Variants in ACOXL observed in about 807,000 individuals in gnomAD.
The protein encoded by ACOXL is acyl-CoA oxidase like.
ACOXL carries 70 observed loss-of-function variants against 71.9 expected under a neutral mutation model. The ratio of observed to expected loss-of-function variants is 0.97; its 90% CI spans 0.80 to 1.19. The LOEUF is 1.19. ACOXL is among the 50% of genes most tolerant of loss of function. The pLI is 0.00. For missense variants in ACOXL, 703 were observed against 736.3 expected (o/e 0.95, Z 0.52); for synonymous variants, 253 against 281.6 (o/e 0.90, Z 1.02).
At chr2:110,968,093 G>T in intron 12 of ACOXL, 1 of 1,317,086 alleles carries the variant, frequency 7.6e-7, no homozygotes, top group South Asian at 1.2e-5. Flanking sequence ...CCAAAATATG[G>T]TGTGAAGGTT....
intron 13 of ACOXL, among the ~76,000 whole-genome samples, chr2:110,988,066 G>A (rs2149555041): frequency 6.6e-6 from 1 of 152,258 alleles, no homozygotes; most frequent in Non-Finnish European, 1.5e-5. Context: ...ATGGAGCAGT[G>A]GCTACCTTCC....
chr2:110,915,533 C>T (rs546632767), intron 11 of ACOXL, among the ~76,000 whole-genome samples: 5 of 150,638 alleles, frequency 3.3e-5, no homozygotes, highest in African/African-American at 1.2e-4. Context: ...AAGCAATTCT[C>T]CTGCTTCAGC....
intron 16 of ACOXL, 64 bp from the exon 17 acceptor site, chr2:111,092,801 T>C (rs1319882477): frequency 4.4e-6 from 5 of 1,144,278 alleles, no homozygotes; most frequent in Non-Finnish European, 6.5e-6. Context: ...TTCGCCTCCT[T>C]AGATTTTGTG....
At chr2:110,745,957 C>A (rs942419746) in intron 1 of ACOXL, among the ~76,000 whole-genome samples, 1 of 152,166 alleles carries the variant, frequency 6.6e-6, no homozygotes, top group Non-Finnish European at 1.5e-5. Context: ...CCTGTCACCT[C>A]CTGTTAGTGT....
chr2:111,079,389 A>G (rs1485578619), intron 16 of ACOXL, among the ~76,000 whole-genome samples: 2 of 152,150 alleles, frequency 1.3e-5, no homozygotes, highest in African/African-American at 4.8e-5. Flanking sequence ...AGTCTTTTGT[A>G]TGCTAATTAG....
At chr2:110,808,966 T>C (rs1022271314) in intron 9 of ACOXL, among the ~76,000 whole-genome samples, 17 of 151,906 alleles carry the variant, frequency 1.1e-4, no homozygotes, top group African/African-American at 3.4e-4. Context: ...AAACAGCAAA[T>C]AGGAGTGGAA....
At chr2:111,040,163 C>A (rs1574569043) in intron 15 of ACOXL, among the ~76,000 whole-genome samples, 1 of 152,328 alleles carries the variant, frequency 6.6e-6, no homozygotes, top group East Asian at 1.9e-4. Context: ...CTGCTCAGGA[C>A]CTGTGGCAGC....
Position 111,001,608 on chromosome 2 carries a change from A to AT in ACOXL, c.1281+5606dup, listed in dbSNP as rs1336312553. ...ATGTCAGAATTTATATGGACCACTGATTCCTGCATTATTCCCATTTTCCTC... is the reference window on the plus strand; with the variant it reads ...ATGTCAGAATTTATATGGACCACTGATTTCCTGCATTATTCCCATTTTCCTC... On this transcript the variant is annotated intron_variant, in intron 14 of 17. Coordinates refer to ENST00000439055, the MANE Select transcript of ACOXL (RefSeq NM_001142807.4). 3.3e-5 allele frequency among the ~76,000 whole-genome samples: 5 copies of AT among 152,320 alleles called. No homozygotes were observed. The East Asian group carries it at 9.6e-4, about 29-fold the overall frequency.
At chr2:111,052,519 G>A (rs1227701575) in intron 16 of ACOXL, among the ~76,000 whole-genome samples, 1 of 152,144 alleles carries the variant, frequency 6.6e-6, no homozygotes, top group African/African-American at 2.4e-5. Flanking sequence ...CTGCAGACCC[G>A]AGAAGGGGGC....
intron 12 of ACOXL, among the ~76,000 whole-genome samples, chr2:110,955,436 C>G (rs1009855865): frequency 1.3e-5 from 2 of 149,350 alleles, no homozygotes; most frequent in African/African-American, 4.9e-5. Context: ...CTCCCTCTCT[C>G]TCTCTCTCTC....
chr2:110,873,727 G>A (rs1356310171), intron 10 of ACOXL, among the ~76,000 whole-genome samples: 2 of 152,178 alleles, frequency 1.3e-5, no homozygotes, highest in Non-Finnish European at 2.9e-5. Flanking sequence ...GGCCCCCGTT[G>A]GGAGGGGCCA....
At position 110,735,286 on chromosome 2, in the gene ACOXL, A is replaced by G. The variant is rs149570661; in HGVS notation, c.-23+2512A>G. 1.1e-4 allele frequency among the ~76,000 whole-genome samples: 17 copies of G among 152,354 alleles called. No individual in the cohort carries two copies. In the East Asian group the frequency reaches 3.1e-3, roughly 28 times the overall value. ...CTCCTAATGTAAAATGTTATAGAAC[A>G]TTAGGAGATGAGAAATAAAACTTCC... On this transcript the variant is annotated intron_variant, in intron 1 of 17. Coordinates refer to ENST00000439055, the MANE Select transcript of ACOXL (RefSeq NM_001142807.4).
At chr2:110,806,568 C>T (rs1176406006) in intron 9 of ACOXL, among the ~76,000 whole-genome samples, 1 of 151,946 alleles carries the variant, frequency 6.6e-6, no homozygotes, top group African/African-American at 2.4e-5. Context: ...AATAGAAAAG[C>T]CAGACGAGCC....
chr2:110,941,063 A>G (rs2060850381), intron 12 of ACOXL, among the ~76,000 whole-genome samples: 1 of 152,244 alleles, frequency 6.6e-6, no homozygotes, highest in Admixed American at 6.5e-5. Flanking sequence ...TGTCCACAAT[A>G]TGATCGTTAA....
At chr2:110,995,835 A>T in intron 13 of ACOXL, 58 bp from the exon 14 acceptor site, 1 of 1,371,638 alleles carries the variant, frequency 7.3e-7, no homozygotes, top group Non-Finnish European at 1.0e-6. Flanking sequence ...TATTTCTTTC[A>T]AATGAAATTC....
rs769661262 is a variant in ACOXL, at chr2:110,744,571, TTACC to T, written c.-23+11801_-23+11804del. Reference sequence around the variant, plus strand: ...CCTTACTTCACGTCCCCTCCCTACATTACCTACAACCTTCTCCCACAGTTGACCA... The same window carrying T: ...CCTTACTTCACGTCCCCTCCCTACATTACAACCTTCTCCCACAGTTGACCA... On this transcript the variant is annotated intron_variant, in intron 1 of 17. Coordinates refer to ENST00000439055, the MANE Select transcript of ACOXL (RefSeq NM_001142807.4). Among the ~76,000 whole-genome samples, 3 of 152,248 alleles carry T rather than the reference TTACC, an allele frequency of 2.0e-5. No individual in the cohort carries two copies. The East Asian group carries it at 5.8e-4, about 29-fold the overall frequency.
At chr2:110,952,033 T>A (rs1306148340) in intron 12 of ACOXL, among the ~76,000 whole-genome samples, 2 of 152,226 alleles carry the variant, frequency 1.3e-5, no homozygotes, top group East Asian at 3.8e-4. Flanking sequence ...TTCTGTTCTC[T>A]GGAAGAGTTT....
At chr2:110,840,266 G>A (rs927313312) in intron 9 of ACOXL, among the ~76,000 whole-genome samples, 13 of 152,034 alleles carry the variant, frequency 8.6e-5, no homozygotes, top group Admixed American at 2.6e-4. Flanking sequence ...GTTTGACCTG[G>A]TCATCACTTG....
At chr2:110,951,377 C>T (rs936305337) in intron 12 of ACOXL, among the ~76,000 whole-genome samples, 3 of 152,176 alleles carry the variant, frequency 2.0e-5, no homozygotes, top group Non-Finnish European at 4.4e-5. Context: ...TGAAGATAGT[C>T]CTATCACCTG....
Sources: gnomAD v4.1 joint callset for allele counts (sites outside exome capture counted in the v4.1 genomes callset) on GRCh38, gnomAD v4.1.1 for gene constraint, MANE v1.5 for transcripts, NCBI Gene and HGNC (gene_info 2026-07-23, HGNC 2026-07-21) for gene names.